HS3ST3A1: variants seen among roughly 807,000 people sequenced by gnomAD.
HS3ST3A1 encodes the protein heparan sulfate glucosamine 3-O-sulfotransferase 3A1.
A neutral mutation model predicts 25.7 loss-of-function variants in HS3ST3A1; 19 were observed. The observed-to-expected ratio is 0.74, with a 90% confidence interval of 0.52 to 1.08. The LOEUF (loss-of-function observed/expected upper bound fraction) is 1.08, where lower values mean the gene tolerates loss of function less well. HS3ST3A1 is among the 50% of genes least tolerant of loss of function. The pLI is 0.00. For synonymous variants in HS3ST3A1, 226 were observed against 278.6 expected (o/e 0.81, Z 1.88); for missense variants, 459 against 594.3 (o/e 0.77, Z 2.37).
intron 1 of HS3ST3A1, among the ~76,000 whole-genome samples, chr17:13,552,090 T>C (rs1247428724): frequency 6.6e-6 from 1 of 152,194 alleles, no homozygotes; most frequent in Admixed American, 6.5e-5. Context: ...TTTTTATTTT[T>C]ATTTTTTGAG....
chr17:13,546,079 A>G (rs780558236), intron 1 of HS3ST3A1, among the ~76,000 whole-genome samples: 6 of 152,070 alleles, frequency 3.9e-5, no homozygotes, highest in South Asian at 2.1e-4. Flanking sequence ...TTATCTGACT[A>G]ATTTCCACCT....
intron 1 of HS3ST3A1, among the ~76,000 whole-genome samples, chr17:13,588,159 AT>A (rs1419736427): frequency 6.6e-6 from 1 of 152,142 alleles, no homozygotes; most frequent in African/African-American, 2.4e-5. Context: ...ACACGTATTC[AT>A]TTACATATCG....
At chr17:13,534,163 A>T (rs1417750127) in intron 1 of HS3ST3A1, among the ~76,000 whole-genome samples, 1 of 152,164 alleles carries the variant, frequency 6.6e-6, no homozygotes, top group Non-Finnish European at 1.5e-5. Flanking sequence ...AGTAGCTGAG[A>T]TAACTCAAGT....
At chr17:13,528,518 C>G (rs1275733140) in intron 1 of HS3ST3A1, among the ~76,000 whole-genome samples, 1 of 152,176 alleles carries the variant, frequency 6.6e-6, no homozygotes, top group Admixed American at 6.5e-5. Context: ...CCAGAGTTCC[C>G]CATTGGTCTG....
At chr17:13,578,194 G>T (rs142509885) in intron 1 of HS3ST3A1, among the ~76,000 whole-genome samples, 1 of 151,990 alleles carries the variant, frequency 6.6e-6, no homozygotes, top group East Asian at 1.9e-4. Flanking sequence ...TGACTTATGG[G>T]ACATCCAGAC....
intron 1 of HS3ST3A1, among the ~76,000 whole-genome samples, chr17:13,567,212 C>T (rs1907696480): frequency 6.6e-6 from 1 of 152,106 alleles, no homozygotes; most frequent in African/African-American, 2.4e-5. Flanking sequence ...ACAACAAAGC[C>T]TGGATGACAG....
chr17:13,557,501 G>A (rs549279970), intron 1 of HS3ST3A1, among the ~76,000 whole-genome samples: 1 of 152,238 alleles, frequency 6.6e-6, no homozygotes, highest in African/African-American at 2.4e-5. Flanking sequence ...AGTGATACCT[G>A]TCCAATACTC....
chr17:13,495,307 A>G lies in HS3ST3A1; in HGVS notation c.*890T>C, dbSNP rs1414306428. Reference sequence around the variant, plus strand: ...TCATCAGTCAAGATTTCCATATCTCAGTGTACTTTAAATAGCCAAGAGGCA... The same window carrying G: ...TCATCAGTCAAGATTTCCATATCTCGGTGTACTTTAAATAGCCAAGAGGCA... On this transcript the variant is annotated 3_prime_UTR_variant, in exon 2 of 2. Transcript: ENST00000284110. Among the ~76,000 whole-genome samples, 1 of 152,152 alleles carries G rather than the reference A, an allele frequency of 6.6e-6. No individual in the cohort carries two copies. The highest frequency in any genetic ancestry group is 2.4e-5 in the African/African-American group (1 of 41,434).
At chr17:13,577,846 G>T (rs1907986846) in intron 1 of HS3ST3A1, among the ~76,000 whole-genome samples, 1 of 150,792 alleles carries the variant, frequency 6.6e-6, no homozygotes, top group Admixed American at 6.6e-5. Context: ...AAGAAGACAA[G>T]AAATTTTGGT....
At chr17:13,551,988 G>A (rs1379997815) in intron 1 of HS3ST3A1, among the ~76,000 whole-genome samples, 1 of 152,204 alleles carries the variant, frequency 6.6e-6, no homozygotes, top group Non-Finnish European at 1.5e-5. Flanking sequence ...CACCTGCACA[G>A]GACACTGATG....
intron 1 of HS3ST3A1, among the ~76,000 whole-genome samples, chr17:13,590,875 T>C (rs1365138830): frequency 6.6e-6 from 1 of 151,124 alleles, no homozygotes; most frequent in Non-Finnish European, 1.5e-5. Context: ...ACTGGCAGAG[T>C]GGCTCAGCAA....
intron 1 of HS3ST3A1, among the ~76,000 whole-genome samples, chr17:13,522,624 T>C (rs1030362041): frequency 5.9e-5 from 9 of 152,198 alleles, no homozygotes; most frequent in Non-Finnish European, 2.9e-5. Context: ...TATTAAGCAA[T>C]GTGTATTTAA....
chr17:13,539,735 A>T (rs999104008), intron 1 of HS3ST3A1, among the ~76,000 whole-genome samples: 9 of 152,266 alleles, frequency 5.9e-5, no homozygotes, highest in Middle Eastern at 3.4e-3. Flanking sequence ...TTAGCTTCCA[A>T]TGTCACAGGA....
chr17:13,560,250 A>T (rs1019619844), intron 1 of HS3ST3A1, among the ~76,000 whole-genome samples: 1 of 134,400 alleles, frequency 7.4e-6, no homozygotes, highest in Non-Finnish European at 1.5e-5. Flanking sequence ...AGACAGCGCC[A>T]CTATACTCCA....
At chr17:13,500,055 G>A (rs541276562) in intron 1 of HS3ST3A1, among the ~76,000 whole-genome samples, 14 of 150,104 alleles carry the variant, frequency 9.3e-5, no homozygotes, top group African/African-American at 3.4e-4. Flanking sequence ...TCAATAAAAG[G>A]GATATAAAAT....
chr17:13,560,944 C>G (rs1412753766), intron 1 of HS3ST3A1, among the ~76,000 whole-genome samples: 1 of 152,210 alleles, frequency 6.6e-6, no homozygotes, highest in African/African-American at 2.4e-5. Context: ...GATCCTGACA[C>G]CATGTAGCCT....
intron 1 of HS3ST3A1, among the ~76,000 whole-genome samples, chr17:13,544,557 C>G (rs1207646779): frequency 2.6e-5 from 4 of 152,200 alleles, no homozygotes; most frequent in Non-Finnish European, 5.9e-5. Flanking sequence ...GCCCCAGCCT[C>G]TTTGTGTGGA....
rs115277252 is a variant in HS3ST3A1, at chr17:13,524,340, C to T, written c.600-27522G>A. The stretch of plus-strand genomic sequence containing the variant: ...TGACATGATCTCGGCTCACTGCAGC[C>T]TCAAGCTCCAGGGCTCAAGCGATCC... On this transcript the variant is annotated intron_variant, in intron 1 of 1. Coordinates refer to ENST00000284110, the MANE Select transcript of HS3ST3A1 (RefSeq NM_006042.3). Among the ~76,000 whole-genome samples the T allele has an allele frequency of 9.7e-3, 1,478 of 152,162 alleles. 25 individuals carry two copies. Among genetic ancestry groups the T allele is most frequent in the African/African-American group, 0.034 (1,395 of 41,496 alleles).
At chr17:13,560,289 CAAAAAAAAAAAAAAA>C (rs10632927) in intron 1 of HS3ST3A1, among the ~76,000 whole-genome samples, 9 of 17,378 alleles carry the variant, frequency 5.2e-4, no homozygotes, top group Non-Finnish European at 7.9e-4. Flanking sequence ...CACTCGTCTC[CAAAAAAAAAAAAAAA>C]AAAAAAAAAA....
Sources: allele counts gnomAD v4.1 joint callset (sites outside exome capture counted in the v4.1 genomes callset), GRCh38; gene constraint gnomAD v4.1.1; transcripts MANE v1.5; gene names NCBI Gene and HGNC (gene_info 2026-07-23, HGNC 2026-07-21).